Variants in SGCD observed in about 807,000 individuals in gnomAD.
SGCD encodes the protein sarcoglycan delta, also known as delta-sarcoglycan.
SGCD carries 18 observed loss-of-function variants against 36.6 expected under a neutral mutation model. The observed-to-expected ratio is 0.49, with a 90% CI of 0.34 to 0.73. The LOEUF (loss-of-function observed/expected upper bound fraction) is 0.73. Ranked by LOEUF, SGCD falls within the 30% of genes least tolerant of loss-of-function variation. SGCD has a pLI of 0.01. For missense variants in SGCD, 387 were observed against 346.7 expected, an observed-to-expected ratio of 1.12 and a Z score of -0.92; for synonymous variants, 133 against 130.6, an observed-to-expected ratio of 1.02 and a Z score of -0.12.
At chr5:155,869,065 G>C (rs1755580165), upstream of SGCD, among the ~76,000 whole-genome samples, 1 of 152,124 alleles carries the variant, frequency 6.6e-6, no homozygotes, top group African/African-American at 2.4e-5. Context: ...GAAAATCTCA[G>C]GGTTGGAGGA....
chr5:156,470,145 T>C (rs2127826565), intron 3 of SGCD, among the ~76,000 whole-genome samples: 1 of 152,320 alleles, frequency 6.6e-6, no homozygotes, highest in East Asian at 1.9e-4. Flanking sequence ...GTAAACAAGC[T>C]TTCTTCAAAT....
At chr5:156,753,193 G>C (rs1024541797) in intron 7 of SGCD, among the ~76,000 whole-genome samples, 1 of 152,174 alleles carries the variant, frequency 6.6e-6, no homozygotes, top group Admixed American at 6.5e-5. Context: ...GCTCACATTT[G>C]AGAACCATTC....
At position 156,765,954 on chromosome 5, in the gene SGCD, T is replaced by C. The variant is rs578061606; in HGVS notation, c.*6564T>C. 8.0e-5 allele frequency: 12 copies of C among 149,426 alleles called. No individual in the cohort carries two copies. The East Asian group carries it at 2.0e-3, about 25-fold the overall frequency. 9.3% of individuals were successfully genotyped at this position (149,426 alleles called of 1,614,324 possible). A position where few individuals can be genotyped will look rare whatever the true frequency, so the allele number is the denominator to read the frequency against. Reference sequence around the variant, plus strand: ...AAAGTATAGATACCTAAGGGGAAAATATAGAAAGCCTGCCTGAATAATAGA... The same window carrying C: ...AAAGTATAGATACCTAAGGGGAAAACATAGAAAGCCTGCCTGAATAATAGA... On this transcript the variant is annotated 3_prime_UTR_variant, in exon 9 of 9. Transcript: ENST00000337851.
intron 3 of SGCD, among the ~76,000 whole-genome samples, chr5:156,211,730 G>C (rs1177221557): frequency 5.9e-5 from 9 of 151,686 alleles, no homozygotes; most frequent in Non-Finnish European, 1.3e-4. Flanking sequence ...AATAATATAA[G>C]GAATGATGGT....
intron 1 of SGCD, among the ~76,000 whole-genome samples, chr5:155,942,129 T>C (rs1757337345): frequency 6.6e-6 from 1 of 152,130 alleles, no homozygotes; most frequent in African/African-American, 2.4e-5. Context: ...ATATGTAATA[T>C]AGTATTACAC....
chr5:155,795,100 A>C, the SGCD span, among the ~76,000 whole-genome samples: 1 of 152,122 alleles, frequency 6.6e-6, no homozygotes, highest in Non-Finnish European at 1.5e-5. Context: ...TGAGAGTGAA[A>C]ATGGAGGTAA....
chr5:156,101,294 G>A (rs1215071716), intron 1 of SGCD, among the ~76,000 whole-genome samples: 1 of 152,190 alleles, frequency 6.6e-6, no homozygotes, highest in African/African-American at 2.4e-5. Context: ...CTGGCCTGGC[G>A]AAGCTTCATC....
At chr5:156,103,470 T>C (rs1454160099) in intron 1 of SGCD, among the ~76,000 whole-genome samples, 1 of 152,144 alleles carries the variant, frequency 6.6e-6, no homozygotes, top group Non-Finnish European at 1.5e-5. Context: ...TAACACATAA[T>C]AAAAAATTAA....
At chr5:156,382,984 T>G (rs1202336006) in intron 3 of SGCD, among the ~76,000 whole-genome samples, 1 of 152,204 alleles carries the variant, frequency 6.6e-6, no homozygotes, top group Non-Finnish European at 1.5e-5. Context: ...ACAAGCTGTT[T>G]CCAGTGTGTA....
chr5:155,996,714 G>A (rs1758552271), intron 1 of SGCD, among the ~76,000 whole-genome samples: 1 of 151,492 alleles, frequency 6.6e-6, no homozygotes, highest in South Asian at 2.1e-4. Flanking sequence ...GGGAGGCAGA[G>A]GTTGCACTGA....
At chr5:155,905,826 T>G (rs1756497626) in intron 1 of SGCD, among the ~76,000 whole-genome samples, 1 of 152,130 alleles carries the variant, frequency 6.6e-6, no homozygotes, top group African/African-American at 2.4e-5. Flanking sequence ...ATGTAAGAAG[T>G]ACCTTTCACC....
In SGCD at chr5:156,534,061, G is replaced by A. The variant is rs75437621; in HGVS notation, c.294+25359G>A. ...CACTATAAATTTGCGTGGTTTTTTC[G>A]GTCAGTATTCATTAGTGGCAGCCTA... is the stretch of plus-strand genomic sequence containing the variant. On this transcript the variant is annotated intron_variant, in intron 4 of 8. Transcript: ENST00000337851. Among the ~76,000 whole-genome samples, 169 of 152,064 alleles carry A rather than the reference G, an allele frequency of 1.1e-3. 2 individuals are homozygous for A. In the East Asian group the frequency reaches 0.021, roughly 19 times the overall value.
At chr5:155,913,796 C>A (rs1475168760) in intron 1 of SGCD, among the ~76,000 whole-genome samples, 2 of 152,154 alleles carry the variant, frequency 1.3e-5, no homozygotes, top group African/African-American at 4.8e-5. Flanking sequence ...TTTTGGCAGG[C>A]ATGGCCTGAT....
chr5:155,983,525 C>T (rs564641099), intron 1 of SGCD, among the ~76,000 whole-genome samples: 2 of 152,288 alleles, frequency 1.3e-5, no homozygotes, highest in South Asian at 4.1e-4. Flanking sequence ...CTCTCTAACT[C>T]CTGACCTCAG....
intron 1 of SGCD, among the ~76,000 whole-genome samples, chr5:155,936,351 G>A (rs938023511): frequency 6.6e-6 from 1 of 152,158 alleles, no homozygotes; most frequent in Non-Finnish European, 1.5e-5. Context: ...CAGCTCAGGG[G>A]CGACCCTGGG....
At chr5:156,558,472 A>T (rs1759132924) in intron 4 of SGCD, among the ~76,000 whole-genome samples, 1 of 152,068 alleles carries the variant, frequency 6.6e-6, no homozygotes, top group Admixed American at 6.6e-5. Context: ...CTAAATTACT[A>T]CTTGCATGTG....
intron 3 of SGCD, among the ~76,000 whole-genome samples, chr5:156,185,547 C>T (rs1196820723): frequency 1.3e-5 from 2 of 151,830 alleles, no homozygotes; most frequent in South Asian, 2.1e-4. Flanking sequence ...GTATCCCCCT[C>T]CTTTTTTCAA....
At chr5:155,960,734 AT>A (rs1320206831) in intron 1 of SGCD, among the ~76,000 whole-genome samples, 1 of 152,106 alleles carries the variant, frequency 6.6e-6, no homozygotes, top group Non-Finnish European at 1.5e-5. Context: ...GTAAATAAGC[AT>A]TTGTTTTATA....
At chr5:156,251,959 A>C (rs948424770) in intron 3 of SGCD, among the ~76,000 whole-genome samples, 2 of 152,342 alleles carry the variant, frequency 1.3e-5, no homozygotes, top group African/African-American at 2.4e-5. Context: ...TTGTTTCAAA[A>C]TGCTCCTAAG....
Sources: allele counts gnomAD v4.1 joint callset (sites outside exome capture counted in the v4.1 genomes callset), GRCh38; gene constraint gnomAD v4.1.1; transcripts MANE v1.5; gene names NCBI Gene and HGNC (gene_info 2026-07-23, HGNC 2026-07-21).